Variants in ACCSL observed in about 807,000 individuals in gnomAD.
ACCSL encodes the protein probable inactive 1-aminocyclopropane-1-carboxylate synthase-like protein 2.
ACCSL carries 55 observed loss-of-function variants against 61.7 expected under a neutral mutation model. The ratio of observed to expected loss-of-function variants is 0.89; its 90% CI spans 0.72 to 1.12. ACCSL has a LOEUF of 1.12. Among genes scored for constraint, ACCSL ranks in the 50% most tolerant of loss-of-function variants. The pLI, the probability that ACCSL is intolerant of heterozygous loss-of-function variation, is 0.00. For missense variants in ACCSL, 632 were observed against 698.0 expected (o/e 0.91, Z 1.07); for synonymous variants, 258 against 264.3 (o/e 0.98, Z 0.23).
chr11:44,054,636 T>G (rs1264383297), intron 8 of ACCSL, among the ~76,000 whole-genome samples: 1 of 152,064 alleles, frequency 6.6e-6, no homozygotes, highest in South Asian at 2.1e-4. Context: ...TTTGTATTTT[T>G]AGTAGAGACA....
the ACCSL span, among the ~76,000 whole-genome samples, chr11:43,941,972 A>C: frequency 6.6e-6 from 1 of 152,102 alleles, no homozygotes; most frequent in South Asian, 2.1e-4. Flanking sequence ...AGACAAACAT[A>C]AAGAAGACAT....
the ACCSL span, among the ~76,000 whole-genome samples, chr11:43,991,175 G>A: frequency 1.3e-5 from 2 of 152,180 alleles, no homozygotes; most frequent in Non-Finnish European, 1.5e-5. Flanking sequence ...CTACATGCCA[G>A]GCCCTGTTCT....
chr11:44,053,071 A>G lies in ACCSL; in HGVS notation c.948+3A>G, dbSNP rs756582472. ...CCCTGCTTGAAGCTAGGCTTGAGGTAAGGTGGGAACCATATTTTTAGGATG... is the reference window on the plus strand; with the variant it reads ...CCCTGCTTGAAGCTAGGCTTGAGGTGAGGTGGGAACCATATTTTTAGGATG... On this transcript the variant is annotated splice_donor_region_variant and intron_variant, in intron 7 of 13. Coordinates refer to ENST00000378832, the MANE Select transcript of ACCSL (RefSeq NM_001031854.2). The G allele has an allele frequency of 3.1e-6, 5 of 1,613,246 alleles. No homozygotes were observed. The highest frequency in any genetic ancestry group is 4.2e-6 in the Non-Finnish European group (5 of 1,179,362).
At chr11:43,937,507 G>A in the ACCSL span, among the ~76,000 whole-genome samples, 1 of 152,150 alleles carries the variant, frequency 6.6e-6, no homozygotes, top group African/African-American at 2.4e-5. Context: ...CCTTCGAGTG[G>A]TCTCCCTGCT....
Position 44,048,560 on chromosome 11 carries a change from G to C in ACCSL, c.504+20G>C. The C allele has an allele frequency of 4.7e-6, 1 of 210,660 alleles. No homozygotes were observed. Among genetic ancestry groups the C allele is most frequent in the Non-Finnish European group, 8.4e-6 (1 of 118,910 alleles). 13.0% of individuals were successfully genotyped at this position (210,660 alleles called of 1,614,324 possible). On this transcript the variant is annotated intron_variant, in intron 1 of 13. Transcript: ENST00000378832. ...ACCTTGGTGAGAATTTGGGGTGGGG[G>C]GTGGGCAGCATCCTCACGGGCTCCA...
At chr11:44,044,329 T>C (rs1167811232), upstream of ACCSL, among the ~76,000 whole-genome samples, 2 of 152,164 alleles carry the variant, frequency 1.3e-5, no homozygotes, top group Admixed American at 6.5e-5. Flanking sequence ...TGGGCTTCAG[T>C]TTCATCACAT....
chr11:43,966,438 AAG>A, the ACCSL span, among the ~76,000 whole-genome samples: 5 of 151,948 alleles, frequency 3.3e-5, no homozygotes, highest in African/African-American at 1.2e-4. Flanking sequence ...AAAAAAAAAA[AAG>A]AAAAAAAAAT....
Position 44,050,555 on chromosome 11 carries a change from C to G in ACCSL, c.568C>G (p.Gln190Glu). Residue 190 changes from glutamine (Q) to glutamate (E), a missense_variant, in exon 3 of 14, where the codon CAA (glutamine) becomes GAA (glutamate). Coordinates refer to ENST00000378832, the MANE Select transcript of ACCSL (RefSeq NM_001031854.2). ...LCMDLMTERL[Q>E]ESDMNCIEDT... Reference sequence around the variant, plus strand: ...TTCATGTTCTATTTGTCAACAGTTGCAAGAAAGTGACATGAACTGCATTGA... The same window carrying G: ...TTCATGTTCTATTTGTCAACAGTTGGAAGAAAGTGACATGAACTGCATTGA... 6.2e-7 allele frequency: 1 copy of G among 1,613,884 alleles called. No individual in the cohort carries two copies. Among genetic ancestry groups the G allele is most frequent in the Non-Finnish European group, 8.5e-7 (1 of 1,179,928 alleles).
At chr11:43,995,164 T>C in the ACCSL span, 1 of 152,146 alleles carries the variant, frequency 6.6e-6, no homozygotes, top group African/African-American at 2.4e-5. Flanking sequence ...GTGCTGGGTA[T>C]TTCAGGGGAG....
chr11:44,037,396 G>A, the ACCSL span, among the ~76,000 whole-genome samples: 1 of 152,238 alleles, frequency 6.6e-6, no homozygotes, highest in Non-Finnish European at 1.5e-5. Flanking sequence ...AGATGCAATT[G>A]CCTGCTCCCA....
chr11:43,941,061 A>G, the ACCSL span, among the ~76,000 whole-genome samples: 1 of 152,148 alleles, frequency 6.6e-6, no homozygotes, highest in African/African-American at 2.4e-5. Context: ...GGTTGGGAGG[A>G]TTAAATAATA....
chr11:44,015,553 A>C, the ACCSL span, among the ~76,000 whole-genome samples: 4 of 152,180 alleles, frequency 2.6e-5, 1 homozygote, highest in African/African-American at 9.7e-5. Flanking sequence ...GACAAGAAGC[A>C]ACTTTACTCC....
the ACCSL span, among the ~76,000 whole-genome samples, chr11:43,926,801 G>A: frequency 2.0e-5 from 3 of 152,302 alleles, no homozygotes; most frequent in South Asian, 2.1e-4. Flanking sequence ...CCAGGTTGGA[G>A]GGCAGTGGTG....
chr11:43,998,051 T>C, the ACCSL span, among the ~76,000 whole-genome samples: 1 of 152,230 alleles, frequency 6.6e-6, no homozygotes, highest in African/African-American at 2.4e-5. Context: ...ATCCCAGCTC[T>C]GCCACTTTCT....
chr11:44,004,304 G>A, the ACCSL span, among the ~76,000 whole-genome samples: 133 of 152,164 alleles, frequency 8.7e-4, 1 homozygote, highest in African/African-American at 3.1e-3. Flanking sequence ...ACACAGAGCG[G>A]GTTTTCTGGG....
At chr11:44,059,300 G>C (rs1305707532) in intron 13 of ACCSL, among the ~76,000 whole-genome samples, 1 of 152,156 alleles carries the variant, frequency 6.6e-6, no homozygotes, top group Admixed American at 6.5e-5. Context: ...TTGTGGGACT[G>C]GCAGCCTAGT....
rs979532090 is a variant in ACCSL, at chr11:44,051,429, G to A, written c.705+25G>A. 8 of 1,613,478 alleles carry A rather than the reference G, an allele frequency of 5.0e-6. No individual in the cohort carries two copies. In the African/African-American group the frequency reaches 9.3e-5, roughly 19 times the overall value. ...TGTGAGTCAGTTTCCCAGCCTTGCT[G>A]CCACCCTGGTGGAGGGCTATATTCT... is the stretch of plus-strand genomic sequence containing the variant. On this transcript the variant is annotated intron_variant, in intron 4 of 13. Coordinates refer to ENST00000378832, the MANE Select transcript of ACCSL (RefSeq NM_001031854.2).
At chr11:44,031,802 C>T in the ACCSL span, among the ~76,000 whole-genome samples, 15 of 152,274 alleles carry the variant, frequency 9.9e-5, 1 homozygote, top group South Asian at 3.1e-3. Context: ...TGGCTGGGGG[C>T]AGCCCTGGAG....
the ACCSL span, among the ~76,000 whole-genome samples, chr11:44,030,662 G>A: frequency 6.6e-6 from 1 of 151,826 alleles, no homozygotes; most frequent in Non-Finnish European, 1.5e-5. Flanking sequence ...TTATAGAAAC[G>A]AAGGCAACAC....
Sources: gnomAD v4.1 joint callset for allele counts (sites outside exome capture counted in the v4.1 genomes callset) on GRCh38, gnomAD v4.1.1 for gene constraint, MANE v1.5 for transcripts, NCBI Gene and HGNC (gene_info 2026-07-23, HGNC 2026-07-21) for gene names.